TTC39B: variants seen among roughly 807,000 people sequenced by gnomAD.
TTC39B encodes tetratricopeptide repeat protein 39B.
Under a neutral mutation model 96.6 loss-of-function variants are expected in TTC39B, and 92 were observed. That is an observed-to-expected ratio of 0.95 (90% CI 0.80 to 1.13). The LOEUF is 1.13. Ranked by LOEUF, TTC39B falls within the 50% of genes most tolerant of loss-of-function variation. The pLI is 0.00. For synonymous variants in TTC39B, 367 were observed against 299.4 expected (o/e 1.23, Z -2.33); for missense variants, 955 against 809.3 (o/e 1.18, Z -2.18).
At chr9:15,273,873 T>G (rs75827378) in intron 1 of TTC39B, among the ~76,000 whole-genome samples, 4,718 of 152,304 alleles carry the variant, frequency 0.031, 238 homozygotes, top group African/African-American at 0.11. Flanking sequence ...ATGCCCCAAC[T>G]TCCCCCCAGG....
intron 17 of TTC39B, among the ~76,000 whole-genome samples, chr9:15,181,783 A>G (rs116362226): frequency 2.0e-5 from 3 of 152,202 alleles, no homozygotes; most frequent in African/African-American, 7.2e-5. Context: ...TAAAATTCCA[A>G]TGCTGGGCTT....
chr9:15,204,876 C>T (rs193028628), intron 6 of TTC39B, among the ~76,000 whole-genome samples: 42 of 152,200 alleles, frequency 2.8e-4, no homozygotes, highest in African/African-American at 6.0e-4. Flanking sequence ...GCGGAGTACC[C>T]CAAAACACAC....
chr9:15,273,165 A>G (rs1475714185), intron 1 of TTC39B, among the ~76,000 whole-genome samples: 1 of 152,236 alleles, frequency 6.6e-6, no homozygotes, highest in Non-Finnish European at 1.5e-5. Flanking sequence ...GATATTAATG[A>G]CAAAAGTGTT....
intron 6 of TTC39B, among the ~76,000 whole-genome samples, chr9:15,206,727 T>C (rs1173246787): frequency 6.6e-6 from 1 of 151,934 alleles, no homozygotes; most frequent in Non-Finnish European, 1.5e-5. Flanking sequence ...TAATAGGCTA[T>C]AGTCACAAGT....
chr9:15,166,370 C>T (rs1280952020), exon 20 of TTC39B: 1 of 152,160 alleles, frequency 6.6e-6, no homozygotes, highest in Non-Finnish European at 1.5e-5. Context: ...GGGGTGTAGA[C>T]TTCCTCTGAA....
At chr9:15,242,962 G>C (rs948539589) in intron 2 of TTC39B, among the ~76,000 whole-genome samples, 1 of 152,188 alleles carries the variant, frequency 6.6e-6, no homozygotes, top group Middle Eastern at 3.2e-3. Context: ...GAACCTGTGG[G>C]CCAACCAATG....
chr9:15,190,684 T>A (rs1818807037), intron 10 of TTC39B, 22 bp from the exon 11 acceptor site: 1 of 1,585,054 alleles, frequency 6.3e-7, no homozygotes. Context: ...AAATGCATTT[T>A]TAGAAAGAGA....
chr9:15,276,655 C>T (rs370649317), intron 1 of TTC39B, among the ~76,000 whole-genome samples: 1 of 152,208 alleles, frequency 6.6e-6, no homozygotes, highest in South Asian at 2.1e-4. Flanking sequence ...ATTTTAATTA[C>T]ACAGCCTGTG....
chr9:15,243,550 C>G (rs970049468), intron 2 of TTC39B, among the ~76,000 whole-genome samples: 4 of 152,084 alleles, frequency 2.6e-5, no homozygotes, highest in African/African-American at 9.7e-5. Context: ...TCGTAAGAAC[C>G]AAAAATCAGG....
intron 19 of TTC39B, among the ~76,000 whole-genome samples, chr9:15,173,000 A>C (rs35836049): frequency 0.078 from 11,824 of 152,282 alleles, 546 homozygotes; most frequent in Non-Finnish European, 0.11. Context: ...ATAAAGGGAA[A>C]GTGCAGATAA....
Position 15,192,575 on chromosome 9 carries a change from C to T in TTC39B, c.930+15G>A, listed in dbSNP as rs1818918174. 7 of 1,599,944 alleles carry T rather than the reference C, an allele frequency of 4.4e-6. No individual in the cohort carries two copies. Among genetic ancestry groups the T allele is most frequent in the Admixed American group, 1.7e-5 (1 of 59,712 alleles). Reference sequence around the variant, plus strand: ...TTCTACAAAAGTTCTGGTTTCTATACAGTGATTTCCTTACCAAATTAAAGG... The same window carrying T: ...TTCTACAAAAGTTCTGGTTTCTATATAGTGATTTCCTTACCAAATTAAAGG... On this transcript the variant is annotated intron_variant, in intron 9 of 19. Transcript: ENST00000512701.
At chr9:15,305,021 A>G (rs1010382604) in intron 1 of TTC39B, among the ~76,000 whole-genome samples, 1 of 152,036 alleles carries the variant, frequency 6.6e-6, no homozygotes, top group Non-Finnish European at 1.5e-5. Context: ...ATATCAAATA[A>G]AGACTATCAG....
intron 15 of TTC39B, 113 bp downstream of exon 15, chr9:15,186,831 G>A (rs186676625): frequency 6.3e-5 from 58 of 920,050 alleles, no homozygotes; most frequent in Admixed American, 2.4e-4. Context: ...AAGTAGCTGG[G>A]ACTACAAGCA....
chr9:15,228,292 C>T (rs961173929), intron 2 of TTC39B, among the ~76,000 whole-genome samples: 2 of 152,022 alleles, frequency 1.3e-5, no homozygotes, highest in South Asian at 2.1e-4. Flanking sequence ...GGTGAAACCC[C>T]GTCTCTACTG....
At chr9:15,251,739 A>ATATATATATATATATATAT (rs1426672494) in intron 2 of TTC39B, among the ~76,000 whole-genome samples, 1 of 127,386 alleles carries the variant, frequency 7.9e-6, no homozygotes, top group Non-Finnish European at 1.7e-5. Flanking sequence ...ATATATATGT[A>ATATATATATATATATATAT]GTATATATGG....
At chr9:15,229,360 A>G (rs888853940) in intron 2 of TTC39B, among the ~76,000 whole-genome samples, 2 of 152,204 alleles carry the variant, frequency 1.3e-5, no homozygotes, top group Non-Finnish European at 2.9e-5. Context: ...CCCAAGGAAC[A>G]TTTAATTCCC....
intron 1 of TTC39B, among the ~76,000 whole-genome samples, chr9:15,284,974 C>T (rs1823903407): frequency 6.6e-6 from 1 of 152,012 alleles, no homozygotes; most frequent in Non-Finnish European, 1.5e-5. Context: ...TAACTAAGAT[C>T]CTTTCGGCCG....
chr9:15,276,471 T>C (rs112460577), intron 1 of TTC39B, among the ~76,000 whole-genome samples: 6,744 of 152,288 alleles, frequency 0.044, 180 homozygotes, highest in South Asian at 0.078. Flanking sequence ...CCAGTGCCCA[T>C]CAAGGTAGTC....
At chr9:15,233,075 C>T (rs1377659859) in intron 2 of TTC39B, among the ~76,000 whole-genome samples, 1 of 152,064 alleles carries the variant, frequency 6.6e-6, no homozygotes, top group Non-Finnish European at 1.5e-5. Context: ...CTGTTGCGGA[C>T]ACCCAGCCGG....
Sources: gnomAD v4.1 joint callset for allele counts (sites outside exome capture counted in the v4.1 genomes callset) on GRCh38, gnomAD v4.1.1 for gene constraint, MANE v1.5 for transcripts, NCBI Gene and HGNC (gene_info 2026-07-23, HGNC 2026-07-21) for gene names.